The following FGF12 variants were observed in gnomAD, a reference collection of about 807,000 sequenced individuals.
FGF12 encodes fibroblast growth factor 12B.
Under a neutral mutation model 23.6 loss-of-function variants are expected in FGF12, and 14 were observed. That is an observed-to-expected ratio of 0.59 (90% CI 0.39 to 0.93). The LOEUF is 0.93. Ranked by LOEUF, FGF12 falls within the 40% of genes least tolerant of loss-of-function variation. FGF12 has a pLI of 0.00. For synonymous variants in FGF12, 62 were observed against 77.3 expected (o/e 0.80, Z 1.04); for missense variants, 175 against 217.8 (o/e 0.80, Z 1.24).
chr3:192,411,077 T>C (rs1036557828), intron 2 of FGF12, among the ~76,000 whole-genome samples: 2 of 152,086 alleles, frequency 1.3e-5, no homozygotes, highest in Non-Finnish European at 2.9e-5. Context: ...AACATCCTAA[T>C]AGAAGGCAAG....
intron 4 of FGF12, among the ~76,000 whole-genome samples, chr3:192,246,450 A>T (rs66731003): frequency 0.089 from 13,474 of 152,214 alleles, 823 homozygotes; most frequent in Admixed American, 0.14. Flanking sequence ...AGATAGCATA[A>T]GTACTTATTT....
chr3:192,537,378 A>T (rs1009013458), intron 2 of FGF12, among the ~76,000 whole-genome samples: 1 of 152,092 alleles, frequency 6.6e-6, no homozygotes, highest in African/African-American at 2.4e-5. Context: ...GAACCTCCAA[A>T]CGATTTTCCA....
At chr3:192,534,891 A>C (rs1487225380) in intron 2 of FGF12, among the ~76,000 whole-genome samples, 3 of 152,178 alleles carry the variant, frequency 2.0e-5, no homozygotes, top group Non-Finnish European at 4.4e-5. Flanking sequence ...ATTCCTCCAA[A>C]TAGAAATACC....
At chr3:192,339,223 C>T (rs1016320253) in intron 3 of FGF12, among the ~76,000 whole-genome samples, 2 of 152,118 alleles carry the variant, frequency 1.3e-5, no homozygotes, top group Non-Finnish European at 2.9e-5. Context: ...CTAAAAGTCC[C>T]AAAAGGTGGC....
chr3:192,386,524 C>T (rs981575941), intron 2 of FGF12, among the ~76,000 whole-genome samples: 10 of 152,116 alleles, frequency 6.6e-5, no homozygotes, highest in African/African-American at 2.2e-4. Context: ...TTACTTTTCT[C>T]ACTTTAAAAA....
intron 2 of FGF12, among the ~76,000 whole-genome samples, chr3:192,511,746 C>G (rs1301844137): frequency 6.6e-6 from 1 of 151,740 alleles, no homozygotes; most frequent in Admixed American, 6.6e-5. Flanking sequence ...CATAAGAGAC[C>G]CAGAATTTAG....
chr3:192,460,407 C>G (rs1053731435), intron 2 of FGF12, among the ~76,000 whole-genome samples: 2 of 152,106 alleles, frequency 1.3e-5, no homozygotes, highest in Admixed American at 6.6e-5. Flanking sequence ...CAGAGCGGAG[C>G]TAGAGGAATG....
At chr3:192,346,362 C>G (rs1271047475) in intron 3 of FGF12, among the ~76,000 whole-genome samples, 4 of 152,126 alleles carry the variant, frequency 2.6e-5, no homozygotes, top group African/African-American at 4.8e-5. Flanking sequence ...GATTTTGTGC[C>G]TCCTTACCTG....
chr3:192,601,870 G>C (rs1248986444), intron 2 of FGF12, among the ~76,000 whole-genome samples: 1 of 152,010 alleles, frequency 6.6e-6, no homozygotes, highest in Non-Finnish European at 1.5e-5. Flanking sequence ...CAGGGAATAA[G>C]GAAAACAAAA....
At chr3:192,605,812 C>T (rs530754101) in intron 2 of FGF12, among the ~76,000 whole-genome samples, 123 of 152,142 alleles carry the variant, frequency 8.1e-4, no homozygotes, top group Non-Finnish European at 1.5e-3. Flanking sequence ...ATCAAGACCA[C>T]AATGACATAC....
At chr3:192,567,761 CTTT>C (rs1712383181) in intron 2 of FGF12, among the ~76,000 whole-genome samples, 1 of 127,498 alleles carries the variant, frequency 7.8e-6, no homozygotes, top group Non-Finnish European at 1.7e-5. Flanking sequence ...TTCTTTCTTT[CTTT>C]CTTTCTTTCT....
At chr3:192,416,631 T>C (rs576034449) in intron 2 of FGF12, among the ~76,000 whole-genome samples, 1 of 152,234 alleles carries the variant, frequency 6.6e-6, no homozygotes, top group South Asian at 2.1e-4. Context: ...CAATAAAAAT[T>C]TAACAAGATG....
At chr3:192,273,541 C>T (rs1029825166) in intron 4 of FGF12, among the ~76,000 whole-genome samples, 3 of 152,028 alleles carry the variant, frequency 2.0e-5, no homozygotes, top group Admixed American at 6.6e-5. Context: ...CGAGGAGTCA[C>T]GCAGCATCTC....
chr3:192,584,796 G>A (rs1238706376), intron 2 of FGF12, among the ~76,000 whole-genome samples: 2 of 151,822 alleles, frequency 1.3e-5, no homozygotes, highest in African/African-American at 4.8e-5. Flanking sequence ...ATTTCCTCAG[G>A]TCTCAAGCTT....
Position 192,590,947 on chromosome 3 carries a change from C to T in FGF12, c.13+136234G>A, listed in dbSNP as rs549540715. 3.8e-4 allele frequency among the ~76,000 whole-genome samples: 57 copies of T among 151,898 alleles called. 1 individual carries two copies. Among genetic ancestry groups the T allele is most frequent in the African/African-American group, 1.3e-3 (55 of 41,508 alleles). On this transcript the variant is annotated intron_variant, in intron 2 of 5. Transcript: ENST00000445105. ...TGCTCACACAGTTCTCTGAATAGTT[C>T]TCTCTCTCCCTCTTCCTCCCATGCA...
intron 4 of FGF12, among the ~76,000 whole-genome samples, chr3:192,302,627 A>G (rs552267507): frequency 2.8e-4 from 42 of 152,348 alleles, no homozygotes; most frequent in Non-Finnish European, 5.3e-4. Context: ...TAGTCATTCA[A>G]CGGGCTCAGA....
At chr3:192,190,468 C>T (rs1270734200) in intron 4 of FGF12, among the ~76,000 whole-genome samples, 1 of 89,102 alleles carries the variant, frequency 1.1e-5, no homozygotes, top group Non-Finnish European at 2.1e-5. Flanking sequence ...GCCCAATACT[C>T]TTTTTTTTTT....
rs1413924376 is a variant in FGF12, at chr3:192,220,487, G to A, written c.229-49831C>T. ...TCCAAATTCTCCTCACACTATAATT[G>A]TCCCAAACACCATTTCCTTCTGAAG... On this transcript the variant is annotated intron_variant, in intron 4 of 5. Coordinates refer to ENST00000445105, the MANE Select transcript of FGF12 (RefSeq NM_004113.6). 4.6e-5 allele frequency among the ~76,000 whole-genome samples: 7 copies of A among 151,862 alleles called. No homozygotes were observed. In the East Asian group the frequency reaches 1.2e-3, roughly 25 times the overall value.
chr3:192,631,731 A>C (rs1715398376), intron 2 of FGF12, among the ~76,000 whole-genome samples: 1 of 152,240 alleles, frequency 6.6e-6, no homozygotes, highest in Non-Finnish European at 1.5e-5. Flanking sequence ...TCTGCATATA[A>C]GGCAGTGGAA....
Sources: allele counts gnomAD v4.1 joint callset (sites outside exome capture counted in the v4.1 genomes callset), GRCh38; gene constraint gnomAD v4.1.1; transcripts MANE v1.5; gene names NCBI Gene and HGNC (gene_info 2026-07-23, HGNC 2026-07-21).